TAF5: variants seen among roughly 807,000 people sequenced by gnomAD.
TAF5 encodes the protein TATA-box binding protein associated factor 5, also known as transcription initiation factor TFIID subunit 5.
In TAF5, 20 loss-of-function variants were observed where a neutral mutation model predicts 80.9. The ratio of observed to expected loss-of-function variants is 0.25; its 90% CI spans 0.17 to 0.36. The LOEUF is 0.36. Ranked by LOEUF, TAF5 falls within the 10% of genes least tolerant of loss-of-function variation. TAF5 has a pLI of 1.00. For synonymous variants in TAF5, 388 were observed against 406.4 expected, an observed-to-expected ratio of 0.95 and a Z score of 0.55; for missense variants, 863 against 1,029.4, an observed-to-expected ratio of 0.84 and a Z score of 2.21.
At chr10:103,373,227 T>G in intron 1 of TAF5, 131 bp from the exon 2 acceptor site, 1 of 715,386 alleles carries the variant, frequency 1.4e-6, no homozygotes, top group Non-Finnish European at 2.3e-6. Flanking sequence ...TGTGATTGTG[T>G]TGAGGAAGAG....
chr10:103,379,826 T>C lies in TAF5; in HGVS notation c.1277+55T>C. On this transcript the variant is annotated intron_variant, in intron 4 of 10. Coordinates refer to ENST00000369839, the MANE Select transcript of TAF5 (RefSeq NM_006951.5). Reference sequence around the variant, plus strand: ...TGGAGGTATAAGACAACATGTTATATAGAGTTCAAGTTTGTTAATAGTCAA... The same window carrying C: ...TGGAGGTATAAGACAACATGTTATACAGAGTTCAAGTTTGTTAATAGTCAA... The C allele has an allele frequency of 5.0e-6, 8 of 1,602,942 alleles. No homozygotes were observed. The South Asian group carries it at 9.0e-5, about 18-fold the overall frequency.
intron 8 of TAF5, among the ~76,000 whole-genome samples, 184 bp downstream of exon 8, chr10:103,385,674 C>T (rs1175512998): frequency 1.3e-5 from 2 of 151,926 alleles, no homozygotes; most frequent in Admixed American, 1.3e-4. Flanking sequence ...CCTGTAATCC[C>T]AGCACTTTGG....
In TAF5 at chr10:103,381,857, T is replaced by C; in HGVS notation, c.1534+16T>C. 1 of 1,614,072 alleles carries C rather than the reference T, an allele frequency of 6.2e-7. No individual in the cohort carries two copies. Among genetic ancestry groups the C allele is most frequent in the Non-Finnish European group, 8.5e-7 (1 of 1,179,964 alleles). On this transcript the variant is annotated intron_variant, in intron 6 of 10. Transcript: ENST00000369839. ...CAAGCATCAGGTAACTGAGATGACCTTTTGGAATGTGAACTTGCCATTAGT... is the reference window on the plus strand; with the variant it reads ...CAAGCATCAGGTAACTGAGATGACCCTTTGGAATGTGAACTTGCCATTAGT...
At chr10:103,385,594 G>A (rs1001891198) in intron 8 of TAF5, 104 bp downstream of exon 8, 2 of 1,288,882 alleles carry the variant, frequency 1.6e-6, no homozygotes, top group African/African-American at 1.5e-5. Context: ...CCATTATTGA[G>A]GTTCAACTTT....
At chr10:103,372,814 T>G (rs1342709549) in intron 1 of TAF5, among the ~76,000 whole-genome samples, 1 of 151,228 alleles carries the variant, frequency 6.6e-6, no homozygotes, top group African/African-American at 2.4e-5. Flanking sequence ...GAGAATCGCT[T>G]GAACCCGAGA....
chr10:103,369,123 C>A (rs2093353037), intron 1 of TAF5, among the ~76,000 whole-genome samples: 1 of 151,434 alleles, frequency 6.6e-6, no homozygotes, highest in Admixed American at 6.6e-5. Flanking sequence ...GGACTACAGG[C>A]TCCTACTGCC....
At position 103,385,314 on chromosome 10, in the gene TAF5, C is replaced by T. The variant is rs752073881; in HGVS notation, c.1665-12C>T. 1 of 1,595,332 alleles carries T rather than the reference C, an allele frequency of 6.3e-7. No homozygotes were observed. Among genetic ancestry groups the T allele is most frequent in the South Asian group, 1.1e-5 (1 of 89,646 alleles). On this transcript the variant is annotated splice_polypyrimidine_tract_variant and intron_variant, in intron 7 of 10. Coordinates refer to ENST00000369839, the MANE Select transcript of TAF5 (RefSeq NM_006951.5). ...CTCTGGGAGTCAAATATATCACCTT[C>T]TCTTCTCTCAGGAACTATCTGCTTT...
chr10:103,377,656 G>A (rs2093372896), intron 2 of TAF5, among the ~76,000 whole-genome samples: 1 of 152,130 alleles, frequency 6.6e-6, no homozygotes, highest in South Asian at 2.1e-4. Context: ...TTGTTGTTTA[G>A]TGATCATATT....
chr10:103,388,330 T>TA lies in TAF5; in HGVS notation c.*108dup. 2.0e-6 allele frequency: 2 copies of TA among 1,005,744 alleles called. No homozygotes were observed. Among genetic ancestry groups the TA allele is most frequent in the Non-Finnish European group, 2.9e-6 (2 of 693,096 alleles). 62.3% of individuals were successfully genotyped at this position (1,005,744 alleles called of 1,614,324 possible). A position where few individuals can be genotyped will look rare whatever the true frequency, so the allele number is the denominator to read the frequency against. ...AAGCTACAGAGAATGTTTTTGTCTA[T>TA]ATGGATCTGGAAGTATGCTGCTTGG... is the stretch of plus-strand genomic sequence containing the variant. On this transcript the variant is annotated 3_prime_UTR_variant, in exon 11 of 11. Coordinates refer to ENST00000369839, the MANE Select transcript of TAF5 (RefSeq NM_006951.5).
In TAF5 at chr10:103,373,594, A is replaced by C; in HGVS notation, c.796A>C (p.Lys266Gln). 1 of 1,609,110 alleles carries C rather than the reference A, an allele frequency of 6.2e-7. No individual in the cohort carries two copies. The highest frequency in any genetic ancestry group is 1.1e-5 in the South Asian group (1 of 90,820). The change falls in exon 2 of 11, where the codon AAG becomes CAG. Residue 266 changes from lysine (K) to glutamine (Q), a missense_variant and splice_region_variant. By Grantham distance (53) the Lys-to-Gln change is moderately conservative. Around this residue, in one of 3 missense-constraint regions of TAF5, gnomAD observed 128 missense variants for 232.2 expected, o/e 0.55. Coordinates refer to ENST00000369839, the MANE Select transcript of TAF5 (RefSeq NM_006951.5). ...GAATGAAGCAAAGTCATTCTTTGAGAAGTATGTAAATTTTTACATATATAT... is the reference window on the plus strand; with the variant it reads ...GAATGAAGCAAAGTCATTCTTTGAGCAGTATGTAAATTTTTACATATATAT... ...HENEAKSFFE[K>Q]FHGDQECYYQ...
At position 103,381,784 on chromosome 10, in the gene TAF5, A is replaced by T. The variant is rs199613455; in HGVS notation, c.1477A>T (p.Thr493Ser). 8.1e-6 allele frequency: 13 copies of T among 1,614,206 alleles called. No homozygotes were observed. Among genetic ancestry groups the T allele is most frequent in the South Asian group, 1.1e-5 (1 of 91,084 alleles). ...SLIAGGFADS[T>S]VRVWSVTPKK... ...GATTGCTGGAGGTTTTGCAGATTCA[A>T]CTGTCAGAGTGTGGTCGGTAACACC... The change falls in exon 6 of 11, where the codon ACT becomes TCT. Residue 493 changes from threonine to serine, a missense_variant. Thr to Ser is a moderately conservative substitution (Grantham distance 58). Around this residue, in one of 3 missense-constraint regions of TAF5, gnomAD observed 368 missense variants for 461.7 expected, o/e 0.80. Transcript: ENST00000369839.
chr10:103,369,768 G>A (rs1399315747), intron 1 of TAF5, among the ~76,000 whole-genome samples: 1 of 152,142 alleles, frequency 6.6e-6, no homozygotes, highest in African/African-American at 2.4e-5. Flanking sequence ...TCCTCTAGAG[G>A]TGGAATCTGG....
chr10:103,383,436 G>T, intron 7 of TAF5, 69 bp downstream of exon 7: 1 of 1,413,140 alleles, frequency 7.1e-7, no homozygotes, highest in South Asian at 1.4e-5. Context: ...TTAACTACTG[G>T]AAACATTATG....
chr10:103,385,786 G>A (rs546181552), intron 8 of TAF5, among the ~76,000 whole-genome samples: 329 of 151,682 alleles, frequency 2.2e-3, no homozygotes, highest in African/African-American at 7.4e-3. Flanking sequence ...TTAGCCGGGC[G>A]TGGTGGTAGG....
chr10:103,368,069 A>G lies in TAF5; in HGVS notation c.80A>G (p.Gln27Arg). The G allele has an allele frequency of 7.0e-7, 1 of 1,431,574 alleles. No homozygotes were observed. Among genetic ancestry groups the G allele is most frequent in the East Asian group, 3.0e-5 (1 of 33,230 alleles). The allele number at this position is 1,431,574 out of a possible 1,614,324, so 88.7% of individuals were successfully genotyped here. Residue 27 changes from glutamine (Q) to arginine (R), a missense_variant, in exon 1 of 11, where the codon CAG (glutamine) becomes CGG (arginine). Transcript: ENST00000369839. ...PEGPPTLLPP[Q>R]AGDGAGEGSG... ...GGACCGCCAACGCTGCTACCTCCGC[A>G]GGCGGGGGACGGCGCAGGCGAGGGT...
chr10:103,388,184 A>C lies in TAF5; in HGVS notation c.2364A>C (p.Arg788Ser), dbSNP rs1480617387. Residue 788 changes from arginine to serine, a missense_variant, in exon 11 of 11, where the codon AGA becomes AGC. Arg to Ser is a moderately radical substitution (Grantham distance 110, BLOSUM62 -1). Coordinates refer to ENST00000369839, the MANE Select transcript of TAF5 (RefSeq NM_006951.5). ...TTGTACACCTTCATTTTACTCGAAGAAACCTGGTTCTAGCTGCAGGAGCTT... is the reference window on the plus strand; with the variant it reads ...TTGTACACCTTCATTTTACTCGAAGCAACCTGGTTCTAGCTGCAGGAGCTT... ...TPVVHLHFTR[R>S]NLVLAAGAYS... The C allele has an allele frequency of 6.2e-7, 1 of 1,613,924 alleles. No individual in the cohort carries two copies. Among genetic ancestry groups the C allele is most frequent in the Non-Finnish European group, 8.5e-7 (1 of 1,179,994 alleles).
chr10:103,379,875 CT>C lies in TAF5; in HGVS notation c.1278-6del. On this transcript the variant is annotated splice_polypyrimidine_tract_variant and splice_region_variant and intron_variant, in intron 4 of 10. Transcript: ENST00000369839. ...AAAAGGTAATTTTGACTCTCTTTTT[CT>C]TTCACAGAATCCCTCTTCCTGAGTT... is the stretch of plus-strand genomic sequence containing the variant. The C allele has an allele frequency of 6.2e-7, 1 of 1,606,266 alleles. No individual in the cohort carries two copies. The highest frequency in any genetic ancestry group is 1.7e-5 in the Admixed American group (1 of 57,280).
intron 6 of TAF5, among the ~76,000 whole-genome samples, chr10:103,382,391 A>G (rs1478789962): frequency 6.6e-6 from 1 of 151,678 alleles, no homozygotes; most frequent in Non-Finnish European, 1.5e-5. Context: ...TGCCCAGGTA[A>G]TTTTTGTATT....
Position 103,389,031 on chromosome 10 carries a change from G to C in TAF5, c.*808G>C, listed in dbSNP as rs1311090042. On this transcript the variant is annotated 3_prime_UTR_variant, in exon 11 of 11. Transcript: ENST00000369839. ...ACAGTTTTTATATTTTTGATATCTT[G>C]TAAATAAAGACAACCAGCTTTTCCA... 6.6e-6 allele frequency: 1 copy of C among 152,548 alleles called. No homozygotes were observed. The highest frequency in any genetic ancestry group is 1.9e-4 in the East Asian group (1 of 5,198). 9.4% of individuals were successfully genotyped at this position (152,548 alleles called of 1,614,324 possible).
Sources: gnomAD v4.1 joint callset for allele counts (sites outside exome capture counted in the v4.1 genomes callset) on GRCh38, gnomAD v4.1.1 for gene constraint, gnomAD v4.1.1 regional missense constraint, MANE v1.5 for transcripts, NCBI Gene and HGNC (gene_info 2026-07-23, HGNC 2026-07-21) for gene names.